Variants in CEP192 observed in about 807,000 individuals in gnomAD.
The protein encoded by CEP192 is centrosomal protein of 192 kDa.
CEP192 carries 151 observed loss-of-function variants against 271.8 expected under a neutral mutation model. The observed-to-expected ratio is 0.56, with a 90% CI of 0.49 to 0.64. The LOEUF (loss-of-function observed/expected upper bound fraction) is 0.64. CEP192 is among the 30% of genes least tolerant of loss of function. CEP192 has a pLI of 0.00. For missense variants in CEP192, 2,910 were observed against 3,020.5 expected, an observed-to-expected ratio of 0.96 and a Z score of 0.86; for synonymous variants, 995 against 1,076.5, an observed-to-expected ratio of 0.92 and a Z score of 1.48.
rs1390632095 is a variant in CEP192 at position 13,068,080 on chromosome 18, G to A, written c.4615-14G>A. 6.8e-6 allele frequency: 11 copies of A among 1,613,728 alleles called. No homozygotes were observed. The highest frequency in any genetic ancestry group is 9.3e-6 in the Non-Finnish European group (11 of 1,179,846). ...TGTTGGCTTTACTGAACTGATTCTT[G>A]TATTTCTAAACAGAACGCTGTAGCC... On this transcript the variant is annotated splice_polypyrimidine_tract_variant and intron_variant, in intron 22 of 44. Transcript: ENST00000506447.
At chr18:13,099,971 G>A (rs2039629824) in intron 37 of CEP192, among the ~76,000 whole-genome samples, 1 of 152,174 alleles carries the variant, frequency 6.6e-6, no homozygotes, top group African/African-American at 2.4e-5. Flanking sequence ...TGGATACCGA[G>A]GCATGATTAT....
chr18:13,029,670 C>G lies in CEP192; in HGVS notation c.1058C>G (p.Ala353Gly), dbSNP rs530205679. ...TGATTTTTTGTTTTAAAGGAATGTG[C>G]AAGTAAAGATGTTCTGGTGAAGACC... ...GIVPDLNSEC[A>G]SKDVLVKTLR... Residue 353 changes from alanine to glycine, a missense_variant, in exon 10 of 45, where the codon GCA becomes GGA. Ala to Gly is a moderately conservative substitution (Grantham distance 60). Transcript: ENST00000506447. 26 of 1,490,302 alleles carry G rather than the reference C, an allele frequency of 1.7e-5. No homozygotes were observed. The highest frequency in any genetic ancestry group is 4.2e-5 in the African/African-American group (3 of 71,246). 92.3% of individuals were successfully genotyped at this position (1,490,302 alleles called of 1,614,324 possible).
intron 11 of CEP192, among the ~76,000 whole-genome samples, chr18:13,035,863 G>A (rs2035889260): frequency 6.6e-6 from 1 of 152,134 alleles, no homozygotes; most frequent in Admixed American, 6.5e-5. Context: ...TTTTTTCTTA[G>A]GCTGGGCATT....
At chr18:13,024,379 G>A (rs1472045707) in intron 9 of CEP192, 1 of 454,386 alleles carries the variant, frequency 2.2e-6, no homozygotes, top group Non-Finnish European at 4.4e-6. Context: ...TCTACATGTT[G>A]GTTTCTTGTA....
chr18:13,102,353 C>T (rs897706161), intron 38 of CEP192, among the ~76,000 whole-genome samples: 2 of 152,096 alleles, frequency 1.3e-5, no homozygotes, highest in African/African-American at 2.4e-5. Context: ...GGTCCCCTCT[C>T]GCTCCAGAGC....
At chr18:13,073,561 G>A (rs1598517121) in intron 30 of CEP192, among the ~76,000 whole-genome samples, 1 of 152,142 alleles carries the variant, frequency 6.6e-6, no homozygotes, top group Admixed American at 6.5e-5. Context: ...TGTCTGTTCA[G>A]TCGGCTATAA....
At chr18:13,058,989 G>C in intron 20 of CEP192, 93 bp from the exon 21 acceptor site, 1 of 802,364 alleles carries the variant, frequency 1.2e-6, no homozygotes, top group Non-Finnish European at 2.1e-6. Flanking sequence ...TTGGCAGTTT[G>C]AGTGATTGGG....
chr18:13,037,806 T>C (rs1201140731), intron 12 of CEP192, among the ~76,000 whole-genome samples: 1 of 152,196 alleles, frequency 6.6e-6, no homozygotes, highest in African/African-American at 2.4e-5. Flanking sequence ...CCTTCCATCT[T>C]GGCCTCCCAA....
At chr18:13,010,649 C>A (rs2034287784) in intron 4 of CEP192, among the ~76,000 whole-genome samples, 1 of 152,122 alleles carries the variant, frequency 6.6e-6, no homozygotes, top group Non-Finnish European at 1.5e-5. Context: ...GAGTTCAAGA[C>A]CAGCCTGACC....
intron 3 of CEP192, among the ~76,000 whole-genome samples, chr18:13,007,580 T>C (rs1461610594): frequency 6.6e-6 from 1 of 152,188 alleles, no homozygotes; most frequent in African/African-American, 2.4e-5. Flanking sequence ...TTTGTAACTA[T>C]GTATAGTCTT....
intron 38 of CEP192, among the ~76,000 whole-genome samples, chr18:13,101,813 T>C (rs1347543388): frequency 6.6e-6 from 1 of 152,174 alleles, no homozygotes; most frequent in Non-Finnish European, 1.5e-5. Flanking sequence ...TGAGACCCCC[T>C]GCCTGCTGGC....
At chr18:13,018,424 C>G in intron 7 of CEP192, 56 bp from the exon 8 acceptor site, 1 of 1,178,690 alleles carries the variant, frequency 8.5e-7, no homozygotes, top group African/African-American at 1.6e-5. Flanking sequence ...TTTTCTCCCT[C>G]AAAATATTTC....
At chr18:13,065,285 A>T (rs1419671902) in intron 21 of CEP192, among the ~76,000 whole-genome samples, 1 of 152,084 alleles carries the variant, frequency 6.6e-6, no homozygotes, top group African/African-American at 2.4e-5. Context: ...GTGTAATAGC[A>T]TTCTGTGGTA....
Position 13,068,851 on chromosome 18 carries a change from G to A in CEP192, c.4823-1G>A. 1 of 1,613,926 alleles carries A rather than the reference G, an allele frequency of 6.2e-7. No individual in the cohort carries two copies. The highest frequency in any genetic ancestry group is 8.5e-7 in the Non-Finnish European group (1 of 1,179,946). ...AGCTAAAAGAATGAACTTTTTTTTAGATATTCTGGACTCAGCAGAAGAATT... is the reference window on the plus strand; with the variant it reads ...AGCTAAAAGAATGAACTTTTTTTTAAATATTCTGGACTCAGCAGAAGAATT... On this transcript the variant is annotated splice_acceptor_variant, in intron 24 of 44. Coordinates refer to ENST00000506447, the MANE Select transcript of CEP192 (RefSeq NM_032142.4). LOFTEE classifies it high-confidence loss of function.
intron 42 of CEP192, among the ~76,000 whole-genome samples, 153 bp downstream of exon 42, chr18:13,114,404 C>T (rs1289745587): frequency 6.6e-6 from 1 of 152,174 alleles, no homozygotes; most frequent in South Asian, 2.1e-4. Context: ...AAAGTTCTTA[C>T]GTGTCCCTTT....
intron 6 of CEP192, among the ~76,000 whole-genome samples, 183 bp from the exon 7 acceptor site, chr18:13,017,005 A>C (rs752125045): frequency 1.3e-5 from 2 of 152,192 alleles, no homozygotes; most frequent in Non-Finnish European, 2.9e-5. Context: ...TTTATCTTGT[A>C]TTAAAATGTT....
intron 12 of CEP192, 84 bp from the exon 13 acceptor site, chr18:13,038,286 A>T: frequency 8.8e-7 from 1 of 1,131,056 alleles, no homozygotes; most frequent in East Asian, 2.6e-5. Flanking sequence ...TTTTCTTGGT[A>T]AGACTTTTTT....
At chr18:13,092,347 A>G in intron 33 of CEP192, 30 bp from the exon 34 acceptor site, 2 of 1,461,966 alleles carry the variant, frequency 1.4e-6, no homozygotes, top group Non-Finnish European at 1.9e-6. Flanking sequence ...GTGAACATTC[A>G]TGTATTTCAA....
chr18:13,105,117 A>G, intron 40 of CEP192, 38 bp downstream of exon 40: 1 of 1,441,242 alleles, frequency 6.9e-7, no homozygotes. Context: ...AACATCATGT[A>G]AATTGTCCAG....
Sources: gnomAD v4.1 joint callset for allele counts (sites outside exome capture counted in the v4.1 genomes callset) on GRCh38, gnomAD v4.1.1 for gene constraint, MANE v1.5 for transcripts, NCBI Gene and HGNC (gene_info 2026-07-23, HGNC 2026-07-21) for gene names.